CFAP61: variants seen among roughly 807,000 people sequenced by gnomAD.
CFAP61 encodes the protein cilia and flagella associated protein 61.
Under a neutral mutation model 135.6 loss-of-function variants are expected in CFAP61, and 107 were observed. That is an observed-to-expected ratio of 0.79 (90% CI 0.67 to 0.93). CFAP61 has a LOEUF of 0.93. Ranked by LOEUF, CFAP61 falls within the 40% of genes least tolerant of loss-of-function variation. CFAP61 has a pLI of 0.00. For missense variants in CFAP61, 1,507 were observed against 1,556.2 expected, an observed-to-expected ratio of 0.97 and a Z score of 0.53; for synonymous variants, 575 against 578.5, an observed-to-expected ratio of 0.99 and a Z score of 0.09.
chr20:20,150,104 G>A (rs992738276), intron 9 of CFAP61, among the ~76,000 whole-genome samples: 2 of 152,034 alleles, frequency 1.3e-5, no homozygotes, highest in Admixed American at 1.3e-4. Context: ...ATTGTTACTG[G>A]CTTTCCCCCA....
chr20:20,251,130 A>T (rs1450618566), intron 19 of CFAP61, among the ~76,000 whole-genome samples: 1 of 152,236 alleles, frequency 6.6e-6, no homozygotes, highest in Non-Finnish European at 1.5e-5. Flanking sequence ...AGTATTAGCG[A>T]ATAGGAAGGG....
At chr20:20,188,175 G>A in intron 14 of CFAP61, 119 bp downstream of exon 14, 1 of 1,029,258 alleles carries the variant, frequency 9.7e-7, no homozygotes, top group Non-Finnish European at 1.4e-6. Flanking sequence ...GGGCAGTGGA[G>A]GTAGAGTTAG....
At chr20:20,226,696 G>A (rs1413313955) in intron 17 of CFAP61, among the ~76,000 whole-genome samples, 1 of 152,164 alleles carries the variant, frequency 6.6e-6, no homozygotes, top group East Asian at 1.9e-4. Context: ...GTGCCATCTA[G>A]AAAACAAGAA....
chr20:20,307,077 T>G (rs1326732449), intron 25 of CFAP61, among the ~76,000 whole-genome samples: 3 of 152,180 alleles, frequency 2.0e-5, no homozygotes, highest in Admixed American at 1.3e-4. Context: ...CCCGCCCTTG[T>G]CTTCTTAGCT....
Position 20,133,933 on chromosome 20 carries a change from T to C in CFAP61, c.860-8924T>C, listed in dbSNP as rs140701809. On this transcript the variant is annotated intron_variant, in intron 8 of 26. Coordinates refer to ENST00000245957, the MANE Select transcript of CFAP61 (RefSeq NM_015585.4). ...TTTCATGCAACCCGCCTAGTATCTT[T>C]CTTTGTATCACTGTGGACTTTATTA... Among the ~76,000 whole-genome samples the C allele has an allele frequency of 1.8e-3, 273 of 152,342 alleles. 1 individual carries two copies. The highest frequency in any genetic ancestry group is 6.8e-3 in the Middle Eastern group (2 of 294).
intron 25 of CFAP61, among the ~76,000 whole-genome samples, chr20:20,318,679 C>T (rs1300767314): frequency 1.3e-5 from 2 of 152,170 alleles, no homozygotes; most frequent in African/African-American, 4.8e-5. Context: ...CTAGTGCCAC[C>T]TTGAAAAGTT....
chr20:20,106,000 C>T (rs2048358939), intron 8 of CFAP61, among the ~76,000 whole-genome samples: 1 of 102,644 alleles, frequency 9.7e-6, no homozygotes, highest in African/African-American at 4.2e-5. Context: ...CTACTCTTGC[C>T]TATATATATA....
intron 20 of CFAP61, 68 bp from the exon 21 acceptor site, chr20:20,262,888 T>C: frequency 8.4e-6 from 8 of 957,524 alleles, no homozygotes; most frequent in South Asian, 2.3e-5. Context: ...GTCTACTTTT[T>C]TTTTTTTAAC....
chr20:20,211,880 C>T (rs1301370276), intron 17 of CFAP61, among the ~76,000 whole-genome samples: 2 of 152,228 alleles, frequency 1.3e-5, no homozygotes, highest in Non-Finnish European at 2.9e-5. Context: ...CAGAGCTCCT[C>T]TCTCATGCAA....
At chr20:20,065,325 C>G (rs1262751665) in intron 2 of CFAP61, among the ~76,000 whole-genome samples, 1 of 151,976 alleles carries the variant, frequency 6.6e-6, no homozygotes, top group Non-Finnish European at 1.5e-5. Flanking sequence ...TCAATCCACT[C>G]TTCCCACACT....
At chr20:20,196,802 C>G (rs780630544) in intron 16 of CFAP61, 26 bp downstream of exon 16, 2 of 1,584,602 alleles carry the variant, frequency 1.3e-6, no homozygotes, top group Non-Finnish European at 1.7e-6. Context: ...AATTCACTTT[C>G]CCAGCAGGTC....
At chr20:20,283,357 TA>T (rs1319707012) in intron 22 of CFAP61, among the ~76,000 whole-genome samples, 1 of 152,232 alleles carries the variant, frequency 6.6e-6, no homozygotes, top group Non-Finnish European at 1.5e-5. Context: ...TATCTGATAC[TA>T]ATATGACCAT....
At chr20:20,114,057 T>C (rs7260927) in intron 8 of CFAP61, among the ~76,000 whole-genome samples, 14,790 of 150,488 alleles carry the variant, frequency 0.098, 1,511 homozygotes, top group East Asian at 0.59. Context: ...TTGCTAGAGC[T>C]GAGGAGTTCG....
intron 17 of CFAP61, among the ~76,000 whole-genome samples, chr20:20,206,970 A>C (rs1396029042): frequency 6.6e-6 from 1 of 152,246 alleles, no homozygotes; most frequent in Non-Finnish European, 1.5e-5. Context: ...TTGAAGGGCA[A>C]TGTCTCAACT....
chr20:20,343,324 G>C (rs1363853655), intron 26 of CFAP61, among the ~76,000 whole-genome samples: 4 of 152,232 alleles, frequency 2.6e-5, no homozygotes, highest in Non-Finnish European at 5.9e-5. Flanking sequence ...CCAGGGTCCA[G>C]CTGGGAACTG....
chr20:20,144,915 T>C (rs1390897281), intron 9 of CFAP61, among the ~76,000 whole-genome samples: 1 of 152,128 alleles, frequency 6.6e-6, no homozygotes, highest in Non-Finnish European at 1.5e-5. Flanking sequence ...CACCCTAGAA[T>C]TTTATACCCA....
At chr20:20,216,619 G>A (rs1339095712) in intron 17 of CFAP61, among the ~76,000 whole-genome samples, 1 of 152,172 alleles carries the variant, frequency 6.6e-6, no homozygotes, top group Non-Finnish European at 1.5e-5. Context: ...TGTTATTGCT[G>A]TTTGCTTGGT....
At position 20,307,540 on chromosome 20, in the gene CFAP61, A is replaced by G. The variant is rs147502677; in HGVS notation, c.3422+9154A>G. 4.6e-5 allele frequency among the ~76,000 whole-genome samples: 7 copies of G among 152,330 alleles called. No individual in the cohort carries two copies. In the East Asian group the frequency reaches 1.2e-3, roughly 25 times the overall value. ...GACAGAAACACTTCCAGCCTTCTAT[A>G]CAGTATTCCCTCCCCCTCCCAAATT... On this transcript the variant is annotated intron_variant, in intron 25 of 26. Transcript: ENST00000245957.
rs548009084 is a variant in CFAP61, at chr20:20,191,903, C to T, written c.1590+484C>T. Among the ~76,000 whole-genome samples, 5 of 152,052 alleles carry T rather than the reference C, an allele frequency of 3.3e-5. No homozygotes were observed. The East Asian group carries it at 9.6e-4, about 29-fold the overall frequency. ...TTCGTTCCCTTTTGATTTTAAAATG[C>T]TGCTTTTACATTTATTAAGTTTCTA... is the stretch of plus-strand genomic sequence containing the variant. On this transcript the variant is annotated intron_variant, in intron 15 of 26. Coordinates refer to ENST00000245957, the MANE Select transcript of CFAP61 (RefSeq NM_015585.4).
Sources: gnomAD v4.1 joint callset for allele counts (sites outside exome capture counted in the v4.1 genomes callset) on GRCh38, gnomAD v4.1.1 for gene constraint, MANE v1.5 for transcripts, NCBI Gene and HGNC (gene_info 2026-07-23, HGNC 2026-07-21) for gene names.